Variants in ARSK observed in about 807,000 individuals in gnomAD.
ARSK encodes the protein arylsulfatase family member K.
Under a neutral mutation model 53.2 loss-of-function variants are expected in ARSK, and 37 were observed. The ratio of observed to expected loss-of-function variants is 0.70; its 90% confidence interval spans 0.54 to 0.92. ARSK has a LOEUF of 0.92. Among genes scored for constraint, ARSK ranks in the 40% least tolerant of loss-of-function variants. The pLI is 0.00. For synonymous variants in ARSK, 208 were observed against 223.2 expected (o/e 0.93, Z 0.61); for missense variants, 613 against 643.0 (o/e 0.95, Z 0.51).
In ARSK at chr5:95,601,117, A is replaced by ACTGC. The variant is rs1360518427; in HGVS notation, c.1321+48_1321+51dup. On this transcript the variant is annotated intron_variant, in intron 7 of 7. Coordinates refer to ENST00000380009, the MANE Select transcript of ARSK (RefSeq NM_198150.3). ...TTAAGTGTAATATTATGTGTAATGA[A>ACTGC]CTGCCCTATGTAGCATTGCTCAAGA... The ACTGC allele has an allele frequency of 2.0e-6, 3 of 1,476,828 alleles. No individual in the cohort carries two copies. The African/African-American group carries it at 4.2e-5, about 21-fold the overall frequency. The allele number at this position is 1,476,828 out of a possible 1,614,324, so 91.5% of individuals were successfully genotyped here.
At chr5:95,593,465 A>G (rs1257487255) in intron 6 of ARSK, among the ~76,000 whole-genome samples, 3 of 152,172 alleles carry the variant, frequency 2.0e-5, no homozygotes, top group African/African-American at 7.2e-5. Context: ...CATGGTTTAA[A>G]TCATTTTTCT....
At chr5:95,557,883 T>TA (rs899109469) in intron 1 of ARSK, among the ~76,000 whole-genome samples, 1 of 152,230 alleles carries the variant, frequency 6.6e-6, no homozygotes, top group Non-Finnish European at 1.5e-5. Context: ...TTGAAACACT[T>TA]AAAGTGTCTG....
At chr5:95,600,237 G>A (rs1328144137) in intron 6 of ARSK, among the ~76,000 whole-genome samples, 1 of 152,142 alleles carries the variant, frequency 6.6e-6, no homozygotes, top group East Asian at 1.9e-4. Context: ...ACTTGAGAAT[G>A]TAAAAAGCTC....
chr5:95,599,785 C>T (rs946325610), intron 6 of ARSK, among the ~76,000 whole-genome samples: 4 of 152,238 alleles, frequency 2.6e-5, no homozygotes, highest in South Asian at 2.1e-4. Context: ...AGATTTATAG[C>T]GGTCTTCATC....
Position 95,555,651 on chromosome 5 carries a change from C to G in ARSK, c.126+247C>G, listed in dbSNP as rs999961227. Among the ~76,000 whole-genome samples, 6 of 151,694 alleles carry G rather than the reference C, an allele frequency of 4.0e-5. No homozygotes were observed. Among genetic ancestry groups the G allele is most frequent in the Non-Finnish European group, 8.8e-5 (6 of 67,920 alleles). On this transcript the variant is annotated intron_variant, in intron 1 of 7. Coordinates refer to ENST00000380009, the MANE Select transcript of ARSK (RefSeq NM_198150.3). The surrounding 1 kb of genome is among the most constrained non-coding windows in gnomAD (Gnocchi z 4.0). ...CTTTGCAGATCTTTTTTTTTTAATA[C>G]TGACCTCGATTCGCTAAATTATTTT...
At chr5:95,575,323 C>T (rs556413585) in intron 3 of ARSK, among the ~76,000 whole-genome samples, 4 of 151,890 alleles carry the variant, frequency 2.6e-5, no homozygotes, top group South Asian at 4.2e-4. Context: ...GCTTGGACTA[C>T]GCTGGGTTGT....
chr5:95,603,151 T>C (rs1474252808), intron 7 of ARSK, 86 bp from the exon 8 acceptor site: 1 of 1,053,498 alleles, frequency 9.5e-7, no homozygotes. Flanking sequence ...AAAAAAAAAA[T>C]CTAATACATT....
intron 6 of ARSK, among the ~76,000 whole-genome samples, chr5:95,592,391 G>T (rs758666544): frequency 6.6e-6 from 1 of 152,068 alleles, no homozygotes; most frequent in Non-Finnish European, 1.5e-5. Flanking sequence ...TAAAATCAAA[G>T]AAATCAGAGT....
rs1015924273 is a variant in ARSK, at chr5:95,603,620, C to A, written c.*94C>A. On this transcript the variant is annotated 3_prime_UTR_variant, in exon 8 of 8. Transcript: ENST00000380009. ...TAAATGAAACAGTTTTAATAATTAC[C>A]AAGTTTTGGCCGGGCACAGTGGCTC... is the stretch of plus-strand genomic sequence containing the variant. The A allele has an allele frequency of 8.1e-7, 1 of 1,230,268 alleles. No individual in the cohort carries two copies. The highest frequency in any genetic ancestry group is 1.1e-6 in the Non-Finnish European group (1 of 936,904). 76.2% of individuals were successfully genotyped at this position (1,230,268 alleles called of 1,614,324 possible).
At chr5:95,591,684 G>C (rs1236524924) in intron 6 of ARSK, 59 bp downstream of exon 6, 1 of 1,540,366 alleles carries the variant, frequency 6.5e-7, no homozygotes, top group African/African-American at 1.4e-5. Flanking sequence ...TGCAACTGAA[G>C]TTGTCAGTGA....
chr5:95,556,306 C>A, intron 1 of ARSK: 1 of 696,352 alleles, frequency 1.4e-6, no homozygotes, highest in Non-Finnish European at 2.6e-6. Flanking sequence ...AGAGAATGGG[C>A]AGTACTGGAA....
chr5:95,589,307 T>C (rs547393748), intron 5 of ARSK, among the ~76,000 whole-genome samples: 41 of 152,342 alleles, frequency 2.7e-4, no homozygotes, highest in African/African-American at 9.4e-4. Context: ...CCAGGGTACA[T>C]GTGCAGGGTA....
At chr5:95,569,561 A>G (rs905998396) in intron 3 of ARSK, among the ~76,000 whole-genome samples, 1 of 152,234 alleles carries the variant, frequency 6.6e-6, no homozygotes, top group Non-Finnish European at 1.5e-5. Flanking sequence ...GCTACAAGCC[A>G]AAGGATGAAA....
chr5:95,587,578 G>A (rs1207601843), intron 5 of ARSK, among the ~76,000 whole-genome samples: 1 of 152,054 alleles, frequency 6.6e-6, no homozygotes, highest in African/African-American at 2.4e-5. Flanking sequence ...AGGCCATATG[G>A]ACAAATTATT....
At chr5:95,600,720 C>G in intron 6 of ARSK, 127 bp from the exon 7 acceptor site, 1 of 969,030 alleles carries the variant, frequency 1.0e-6, no homozygotes, top group Non-Finnish European at 1.6e-6. Context: ...TTTACAAAAT[C>G]CATATACAAT....
intron 5 of ARSK, among the ~76,000 whole-genome samples, chr5:95,590,398 G>A (rs936412401): frequency 6.6e-6 from 1 of 152,244 alleles, no homozygotes; most frequent in South Asian, 2.1e-4. Flanking sequence ...TGCTTGTTAT[G>A]CTAAAGAATT....
chr5:95,562,129 T>C (rs1580214256), intron 1 of ARSK, among the ~76,000 whole-genome samples: 1 of 152,184 alleles, frequency 6.6e-6, no homozygotes, highest in African/African-American at 2.4e-5. Context: ...GAGAATCGCT[T>C]AAACCTAGAA....
chr5:95,574,969 T>C (rs1748900161), intron 3 of ARSK, among the ~76,000 whole-genome samples: 2 of 152,228 alleles, frequency 1.3e-5, no homozygotes, highest in Non-Finnish European at 2.9e-5. Flanking sequence ...AGTAATTTCA[T>C]AGTTTGAGGT....
chr5:95,589,627 C>T (rs1433256947), intron 5 of ARSK, among the ~76,000 whole-genome samples: 2 of 152,124 alleles, frequency 1.3e-5, no homozygotes, highest in South Asian at 2.1e-4. Context: ...TTTATGGCTG[C>T]GTAGTATTGC....
Sources: gnomAD v4.1 joint callset for allele counts (sites outside exome capture counted in the v4.1 genomes callset) on GRCh38, gnomAD v4.1.1 for gene constraint, Gnocchi (gnomAD v3.1) non-coding constraint, MANE v1.5 for transcripts, NCBI Gene and HGNC (gene_info 2026-07-23, HGNC 2026-07-21) for gene names.